Variants in ERICH6B observed in about 807,000 individuals in gnomAD.
ERICH6B encodes glutamate rich 6B, also known as glutamate-rich protein 6B.
In ERICH6B, 69 loss-of-function variants were observed where a neutral mutation model predicts 80.0. The ratio of observed to expected loss-of-function variants is 0.86; its 90% CI spans 0.71 to 1.05. The LOEUF is 1.05. Ranked by LOEUF, ERICH6B falls within the 50% of genes least tolerant of loss-of-function variation. The probability of loss-of-function intolerance (pLI) is 0.00; values close to 1 mark genes in which losing one functional copy is unlikely to be tolerated. For missense variants in ERICH6B, 754 were observed against 796.1 expected, an observed-to-expected ratio of 0.95 and a Z score of 0.64; for synonymous variants, 283 against 291.9, an observed-to-expected ratio of 0.97 and a Z score of 0.31.
At chr13:45,585,490 A>G (rs570842641) in intron 5 of ERICH6B, among the ~76,000 whole-genome samples, 2 of 152,278 alleles carry the variant, frequency 1.3e-5, no homozygotes, top group South Asian at 4.1e-4. Flanking sequence ...ACAGAAGGGG[A>G]GAGAAAAACC....
At chr13:45,606,517 A>G (rs1481061555) in intron 2 of ERICH6B, among the ~76,000 whole-genome samples, 5 of 22,336 alleles carry the variant, frequency 2.2e-4, no homozygotes, top group Admixed American at 6.6e-4. Flanking sequence ...ATATATATAT[A>G]TATATATATA....
At chr13:45,557,811 C>G (rs1243166860) in intron 11 of ERICH6B, among the ~76,000 whole-genome samples, 2 of 152,130 alleles carry the variant, frequency 1.3e-5, no homozygotes, top group African/African-American at 4.8e-5. Context: ...TATACCAGTA[C>G]CATGCTGTTT....
At chr13:45,599,768 G>A (rs1949815136) in intron 2 of ERICH6B, among the ~76,000 whole-genome samples, 1 of 152,158 alleles carries the variant, frequency 6.6e-6, no homozygotes, top group South Asian at 2.1e-4. Flanking sequence ...TAGTGCAGGA[G>A]CCAAGTCCAA....
At chr13:45,577,473 G>C (rs904346201) in intron 7 of ERICH6B, among the ~76,000 whole-genome samples, 2 of 151,690 alleles carry the variant, frequency 1.3e-5, no homozygotes, top group Non-Finnish European at 2.9e-5. Context: ...TAGTAGAGAC[G>C]GGGTTCTACC....
intron 11 of ERICH6B, among the ~76,000 whole-genome samples, chr13:45,553,595 A>G (rs945158165): frequency 5.9e-5 from 9 of 152,086 alleles, no homozygotes; most frequent in African/African-American, 1.9e-4. Context: ...CTTTAATTCC[A>G]CAGCATACTG....
At chr13:45,544,143 G>C (rs1213310322) in intron 14 of ERICH6B, among the ~76,000 whole-genome samples, 1 of 152,162 alleles carries the variant, frequency 6.6e-6, no homozygotes, top group Non-Finnish European at 1.5e-5. Flanking sequence ...TGTGATCTCA[G>C]CTCACTGCAA....
At chr13:45,566,416 T>C (rs1874915253) in intron 9 of ERICH6B, among the ~76,000 whole-genome samples, 1 of 152,198 alleles carries the variant, frequency 6.6e-6, no homozygotes, top group Non-Finnish European at 1.5e-5. Flanking sequence ...GCCCCTCCCA[T>C]CACAGGCCTG....
intron 7 of ERICH6B, among the ~76,000 whole-genome samples, chr13:45,579,206 T>G (rs942894): frequency 0.65 from 98,973 of 152,092 alleles, 32,387 homozygotes; most frequent in East Asian, 0.79. Flanking sequence ...GTAGTACCTT[T>G]CTGGCGGTGC....
In ERICH6B at chr13:45,568,553, A is replaced by G. The variant is rs569853001; in HGVS notation, c.1051-102T>C. 8.7e-6 allele frequency: 10 copies of G among 1,148,908 alleles called. No homozygotes were observed. The Admixed American group carries it at 1.6e-4, about 19-fold the overall frequency. 71.2% of individuals were successfully genotyped at this position (1,148,908 alleles called of 1,614,324 possible). A position where few individuals can be genotyped will look rare whatever the true frequency, so the allele number is the denominator to read the frequency against. Reference sequence around the variant, plus strand: ...CAAAGGTACTGTGTGACACTTCAACATATTATTCTAAAAATACAAAAATGG... The same window carrying G: ...CAAAGGTACTGTGTGACACTTCAACGTATTATTCTAAAAATACAAAAATGG... On this transcript the variant is annotated intron_variant, in intron 8 of 14. Transcript: ENST00000298738.
At chr13:45,574,743 C>T (rs1000386799) in intron 8 of ERICH6B, 99 bp downstream of exon 8, 3 of 902,660 alleles carry the variant, frequency 3.3e-6, no homozygotes, top group African/African-American at 3.4e-5. Flanking sequence ...CCCAGGTCCT[C>T]AGAACCCAAG....
At position 45,587,154 on chromosome 13, in the gene ERICH6B, A is replaced by G. The variant is rs945088106; in HGVS notation, c.765T>C (p.Ser255=). The change falls in exon 5 of 15, where the codon TCT becomes TCC. Residue 255 remains serine, a synonymous_variant. Coordinates refer to ENST00000298738, the MANE Select transcript of ERICH6B (RefSeq NM_182542.3). The part of the protein sequence containing the change: ...PLTFATPSPV[S]ESATESSELL... ...ACTCAGAAGACTCTGTGGCAGATTCAGAGACAGGAGAAGGGGTAGCGAAAG... is the reference window on the plus strand; with the variant it reads ...ACTCAGAAGACTCTGTGGCAGATTCGGAGACAGGAGAAGGGGTAGCGAAAG... 19 of 1,551,542 alleles carry G rather than the reference A, an allele frequency of 1.2e-5. No individual in the cohort carries two copies. Among genetic ancestry groups the G allele is most frequent in the Admixed American group, 2.0e-5 (1 of 50,986 alleles).
At chr13:45,550,477 A>G (rs934487009) in intron 11 of ERICH6B, among the ~76,000 whole-genome samples, 161 bp from the exon 12 acceptor site, 1 of 152,182 alleles carries the variant, frequency 6.6e-6, no homozygotes. Context: ...ACTTGTCTAT[A>G]TGATGAGGAG....
chr13:45,555,256 T>A (rs1566287124), intron 11 of ERICH6B, among the ~76,000 whole-genome samples: 1 of 152,120 alleles, frequency 6.6e-6, no homozygotes, highest in African/African-American at 2.4e-5. Context: ...GCTGAAGACT[T>A]TATATGAGGG....
intron 3 of ERICH6B, among the ~76,000 whole-genome samples, chr13:45,591,923 G>A (rs1272626774): frequency 1.3e-5 from 2 of 152,010 alleles, no homozygotes; most frequent in African/African-American, 4.8e-5. Context: ...TTCGTTTTTT[G>A]ATGTCACTTT....
chr13:45,603,944 G>A (rs1022744218), intron 2 of ERICH6B, among the ~76,000 whole-genome samples: 1 of 152,226 alleles, frequency 6.6e-6, no homozygotes, highest in Non-Finnish European at 1.5e-5. Flanking sequence ...TACGATGTGT[G>A]TTGAGTGAAT....
intron 11 of ERICH6B, among the ~76,000 whole-genome samples, chr13:45,556,827 G>A (rs996288361): frequency 1.3e-5 from 2 of 151,556 alleles, no homozygotes; most frequent in Non-Finnish European, 2.9e-5. Context: ...TTCTTTATCC[G>A]CTCATTTGTT....
chr13:45,588,639 A>C (rs1384114348), intron 4 of ERICH6B, among the ~76,000 whole-genome samples: 1 of 152,238 alleles, frequency 6.6e-6, no homozygotes, highest in Non-Finnish European at 1.5e-5. Context: ...AGAAAAGTCA[A>C]ATCTGCCAAA....
At position 45,579,986 on chromosome 13, in the gene ERICH6B, T is replaced by A. The variant is rs914662937; in HGVS notation, c.920-12A>T. ...AGTGTTAACATGCTCTAAAAAAGAA[T>A]AAGAAAAATTATTAACAGGATACGG... On this transcript the variant is annotated splice_polypyrimidine_tract_variant and intron_variant, in intron 6 of 14. Coordinates refer to ENST00000298738, the MANE Select transcript of ERICH6B (RefSeq NM_182542.3). The A allele has an allele frequency of 1.3e-6, 2 of 1,537,274 alleles. No homozygotes were observed. Among genetic ancestry groups the A allele is most frequent in the South Asian group, 1.2e-5 (1 of 83,692 alleles).
chr13:45,611,106 C>G (rs1163156674), intron 1 of ERICH6B, among the ~76,000 whole-genome samples: 1 of 152,132 alleles, frequency 6.6e-6, no homozygotes, highest in Non-Finnish European at 1.5e-5. Flanking sequence ...CTACCCCTAA[C>G]TTTTCTTTCC....
Sources: gnomAD v4.1 joint callset for allele counts (sites outside exome capture counted in the v4.1 genomes callset) on GRCh38, gnomAD v4.1.1 for gene constraint, MANE v1.5 for transcripts, NCBI Gene and HGNC (gene_info 2026-07-23, HGNC 2026-07-21) for gene names.